GSK3B: variants seen among roughly 807,000 people sequenced by gnomAD.
GSK3B encodes glycogen synthase kinase-3 beta.
A neutral mutation model predicts 56.4 loss-of-function variants in GSK3B; 15 were observed. The ratio of observed to expected loss-of-function variants is 0.27; its 90% CI spans 0.18 to 0.41. GSK3B has a LOEUF of 0.41. GSK3B is among the 10% of genes least tolerant of loss of function. The pLI is 1.00. For missense variants in GSK3B, 300 were observed against 513.4 expected (o/e 0.58, Z 4.02); for synonymous variants, 181 against 188.9 (o/e 0.96, Z 0.34).
chr3:119,888,030 T>C (rs1187525566), intron 7 of GSK3B, among the ~76,000 whole-genome samples: 1 of 152,088 alleles, frequency 6.6e-6, no homozygotes. Context: ...AATACATTTT[T>C]AGGCAAACAA....
At chr3:120,078,914 T>TACACAC (rs57127586) in intron 1 of GSK3B, among the ~76,000 whole-genome samples, 12,842 of 138,158 alleles carry the variant, frequency 0.093, 607 homozygotes, top group South Asian at 0.15. Context: ...GACAGGAAAT[T>TACACAC]ACACACACAC....
rs1457020259 is a variant in GSK3B, at chr3:119,905,812, T to C, written c.756A>G (p.Leu252=). The C allele has an allele frequency of 1.9e-6, 3 of 1,607,054 alleles. No homozygotes were observed. Among genetic ancestry groups the C allele is most frequent in the Admixed American group, 1.7e-5 (1 of 60,012 alleles). The change falls in exon 7 of 11, where the codon CTA becomes CTG. Residue 252 remains leucine (L), a synonymous_variant. Transcript: ENST00000264235. ...TATCCCCTGGAAATATTGGTTGTCC[T>C]AGTAACAGCTCAGCCAACACACAGC... is the stretch of plus-strand genomic sequence containing the variant. The part of the protein sequence containing the change: ...SAGCVLAELL[L]GQPIFPGDSG...
At chr3:120,000,756 G>A (rs1036033023) in intron 2 of GSK3B, among the ~76,000 whole-genome samples, 15 of 146,418 alleles carry the variant, frequency 1.0e-4, no homozygotes, top group South Asian at 2.2e-4. Context: ...AATACATGAC[G>A]AGAACTGAAT....
At chr3:120,047,383 T>C (rs1229661884) in intron 1 of GSK3B, among the ~76,000 whole-genome samples, 2 of 152,182 alleles carry the variant, frequency 1.3e-5, no homozygotes, top group African/African-American at 4.8e-5. Flanking sequence ...TATCTCTCAC[T>C]GGTAGCAACT....
At chr3:119,885,252 T>TAAAATAAAATAAAAC (rs2056422921) in intron 7 of GSK3B, among the ~76,000 whole-genome samples, 1 of 86,272 alleles carries the variant, frequency 1.2e-5, no homozygotes, top group African/African-American at 6.0e-5. Flanking sequence ...TAGCCACAAA[T>TAAAATAAAATAAAAC]AAAATAAAAT....
intron 1 of GSK3B, among the ~76,000 whole-genome samples, chr3:120,056,980 T>C (rs755151273): frequency 2.0e-5 from 3 of 151,886 alleles, no homozygotes; most frequent in African/African-American, 4.8e-5. Flanking sequence ...TTGTCTCTAC[T>C]AAAAAAATAC....
chr3:119,934,705 G>A (rs2056977804), intron 3 of GSK3B, among the ~76,000 whole-genome samples: 1 of 152,106 alleles, frequency 6.6e-6, no homozygotes, highest in Non-Finnish European at 1.5e-5. Flanking sequence ...GGGAAACTTT[G>A]CAGGGTCTGT....
At chr3:119,907,311 G>A (rs2056692538) in intron 6 of GSK3B, among the ~76,000 whole-genome samples, 1 of 151,960 alleles carries the variant, frequency 6.6e-6, no homozygotes, top group Non-Finnish European at 1.5e-5. Flanking sequence ...AAAACAATAG[G>A]AAACACTTTC....
intron 2 of GSK3B, among the ~76,000 whole-genome samples, chr3:119,995,737 A>ATTT (rs138237628): frequency 6.9e-5 from 9 of 130,568 alleles, no homozygotes; most frequent in Non-Finnish European, 9.5e-5. Context: ...GCCTGAAATA[A>ATTT]TTTTTTTTTT....
chr3:119,946,085 G>GAAA (rs758014999), intron 3 of GSK3B, among the ~76,000 whole-genome samples: 1 of 122,722 alleles, frequency 8.1e-6, no homozygotes, highest in African/African-American at 2.9e-5. Flanking sequence ...CATTTAAACT[G>GAAA]AAAAAAAAAA....
chr3:120,053,549 G>A (rs1195704649), intron 1 of GSK3B, among the ~76,000 whole-genome samples: 1 of 152,134 alleles, frequency 6.6e-6, no homozygotes, highest in Non-Finnish European at 1.5e-5. Context: ...GAGTTAGTGG[G>A]CAAAACACAT....
intron 1 of GSK3B, among the ~76,000 whole-genome samples, chr3:120,067,002 G>A (rs960851208): frequency 6.6e-6 from 1 of 151,870 alleles, no homozygotes; most frequent in Non-Finnish European, 1.5e-5. Context: ...AACGATAGCT[G>A]ATGAAGAAAA....
intron 1 of GSK3B, among the ~76,000 whole-genome samples, chr3:120,030,418 G>A (rs2057965769): frequency 6.6e-6 from 1 of 152,104 alleles, no homozygotes; most frequent in African/African-American, 2.4e-5. Flanking sequence ...CCCCACTTTG[G>A]AGTTACACTT....
chr3:119,875,647 T>G (rs537646369), intron 8 of GSK3B, among the ~76,000 whole-genome samples: 1 of 152,126 alleles, frequency 6.6e-6, no homozygotes, highest in African/African-American at 2.4e-5. Context: ...ATGAAGAAGC[T>G]AGAGATTCAC....
chr3:119,882,905 C>A (rs2056395203), intron 7 of GSK3B, among the ~76,000 whole-genome samples: 1 of 152,088 alleles, frequency 6.6e-6, no homozygotes, highest in African/African-American at 2.4e-5. Flanking sequence ...ATATTCTTTA[C>A]CTTCAAAATA....
At chr3:120,047,079 AAAAC>A (rs1266760149) in intron 1 of GSK3B, among the ~76,000 whole-genome samples, 10 of 152,240 alleles carry the variant, frequency 6.6e-5, no homozygotes, top group African/African-American at 2.4e-4. Context: ...AGTTTGAACT[AAAAC>A]AAATTCTAAA....
chr3:120,000,813 G>C (rs1412449998), intron 2 of GSK3B, among the ~76,000 whole-genome samples: 3 of 121,850 alleles, frequency 2.5e-5, no homozygotes, highest in Non-Finnish European at 3.4e-5. Flanking sequence ...AAAAAAAAGG[G>C]AAGATAGCAA....
intron 1 of GSK3B, among the ~76,000 whole-genome samples, chr3:120,033,788 GCTCT>G (rs371531394): frequency 9.3e-5 from 14 of 150,754 alleles, no homozygotes; most frequent in Admixed American, 7.3e-4. Context: ...TTGCTCGCTC[GCTCT>G]CTCTCTCTCT....
rs139298095 is a variant in GSK3B, at chr3:119,995,813, C to G, written c.282+6233G>C. Among the ~76,000 whole-genome samples, 1,435 of 150,674 alleles carry G rather than the reference C, an allele frequency of 9.5e-3. 15 individuals carry two copies. The highest frequency in any genetic ancestry group is 0.032 in the South Asian group (152 of 4,794). The stretch of plus-strand genomic sequence containing the variant: ...AGTGCAGTGGCGCAATCTTGGCTCA[C>G]AGCAACCTCTGCCTCCCAGGTTCAA... On this transcript the variant is annotated intron_variant, in intron 2 of 10. Transcript: ENST00000264235.
Sources: allele counts gnomAD v4.1 joint callset (sites outside exome capture counted in the v4.1 genomes callset), GRCh38; gene constraint gnomAD v4.1.1; transcripts MANE v1.5; gene names NCBI Gene and HGNC (gene_info 2026-07-23, HGNC 2026-07-21).